PCNX2: variants seen among roughly 807,000 people sequenced by gnomAD.
PCNX2 encodes pecanex-like protein 2.
A neutral mutation model predicts 223.8 loss-of-function variants in PCNX2; 168 were observed. The ratio of observed to expected loss-of-function variants is 0.75; its 90% CI spans 0.66 to 0.85. PCNX2 has a LOEUF of 0.85. Ranked by LOEUF, PCNX2 falls within the 40% of genes least tolerant of loss-of-function variation. The pLI, the probability that PCNX2 is intolerant of heterozygous loss-of-function variation, is 0.00. For synonymous variants in PCNX2, 1,006 were observed against 1,052.6 expected (o/e 0.96, Z 0.86); for missense variants, 2,507 against 2,675.5 (o/e 0.94, Z 1.39).
Position 233,261,520 on chromosome 1 carries a change from C to T in PCNX2, c.481-199G>A, listed in dbSNP as rs186225484. On this transcript the variant is annotated intron_variant, in intron 3 of 33. Coordinates refer to ENST00000258229, the MANE Select transcript of PCNX2 (RefSeq NM_014801.4). Reference sequence around the variant, plus strand: ...ACATATGTAAATGTGGACATTCAACCGAGACAACTGTACTGTGACAAAGGG... The same window carrying T: ...ACATATGTAAATGTGGACATTCAACTGAGACAACTGTACTGTGACAAAGGG... Among the ~76,000 whole-genome samples, 11 of 152,098 alleles carry T rather than the reference C, an allele frequency of 7.2e-5. No homozygotes were observed. In the East Asian group the frequency reaches 2.1e-3, roughly 29 times the overall value.
rs150120915 is a variant in PCNX2, at chr1:233,124,700, C to T, written c.3837+10313G>A. ...AATTCTTGTACTAAAAGTGTCAACGCTTGCATTTTAAATGTAGAGATGGCA... is the reference window on the plus strand; with the variant it reads ...AATTCTTGTACTAAAAGTGTCAACGTTTGCATTTTAAATGTAGAGATGGCA... On this transcript the variant is annotated intron_variant, in intron 21 of 33. Transcript: ENST00000258229. 1.9e-3 allele frequency among the ~76,000 whole-genome samples: 296 copies of T among 152,338 alleles called. 1 individual carries two copies. Among genetic ancestry groups the T allele is most frequent in the African/African-American group, 6.8e-3 (283 of 41,586 alleles).
At chr1:233,243,953 T>C (rs1658948089) in intron 8 of PCNX2, among the ~76,000 whole-genome samples, 1 of 152,160 alleles carries the variant, frequency 6.6e-6, no homozygotes, top group African/African-American at 2.4e-5. Context: ...TGCCTCAGCC[T>C]CCCAAGCAGC....
intron 23 of PCNX2, among the ~76,000 whole-genome samples, chr1:233,088,006 A>G (rs1354007605): frequency 6.6e-6 from 1 of 152,178 alleles, no homozygotes; most frequent in Non-Finnish European, 1.5e-5. Context: ...GACTGAATAA[A>G]CATAAATCTT....
intron 21 of PCNX2, among the ~76,000 whole-genome samples, chr1:233,100,060 G>A (rs1674395635): frequency 6.6e-6 from 1 of 152,112 alleles, no homozygotes; most frequent in East Asian, 1.9e-4. Context: ...TGGAATATAA[G>A]AGAAAACAAA....
intron 9 of PCNX2, among the ~76,000 whole-genome samples, chr1:233,229,915 G>C (rs1404509517): frequency 6.6e-6 from 1 of 152,060 alleles, no homozygotes; most frequent in African/African-American, 2.4e-5. Flanking sequence ...AAGAAGCCCA[G>C]AGTTACATGT....
At chr1:233,265,307 G>C (rs150443302) in intron 1 of PCNX2, among the ~76,000 whole-genome samples, 4 of 151,712 alleles carry the variant, frequency 2.6e-5, no homozygotes, top group Non-Finnish European at 4.4e-5. Context: ...GGGTTTCATA[G>C]TACTCTAGTC....
chr1:232,989,490 T>A (rs1368640223), intron 32 of PCNX2, among the ~76,000 whole-genome samples: 1 of 151,054 alleles, frequency 6.6e-6, no homozygotes, highest in East Asian at 1.9e-4. Context: ...GCTACTTGGC[T>A]AAGGGTCTCT....
At chr1:233,262,277 C>T in intron 2 of PCNX2, 112 bp from the exon 3 acceptor site, 2 of 1,318,916 alleles carry the variant, frequency 1.5e-6, no homozygotes, top group South Asian at 1.4e-5. Context: ...TTGTTATATT[C>T]CTTACATATA....
At chr1:233,167,843 T>G (rs1678892306) in intron 17 of PCNX2, 1 of 954,984 alleles carries the variant, frequency 1.0e-6, no homozygotes, top group Admixed American at 6.2e-5. Flanking sequence ...AATAACTTTT[T>G]GCTCATTTAA....
the PCNX2 span, among the ~76,000 whole-genome samples, chr1:233,300,970 A>G: frequency 6.6e-6 from 1 of 152,148 alleles, no homozygotes; most frequent in African/African-American, 2.4e-5. Context: ...TTTATTGTGG[A>G]TGAAAGGCTC....
At chr1:233,177,769 C>A in intron 17 of PCNX2, 33 bp downstream of exon 17, 1 of 1,564,692 alleles carries the variant, frequency 6.4e-7, no homozygotes, top group Non-Finnish European at 8.8e-7. Flanking sequence ...ATGAGGCCCT[C>A]CTATGCTACA....
intron 24 of PCNX2, 50 bp downstream of exon 24, chr1:233,057,182 C>T (rs1672219572): frequency 1.4e-6 from 2 of 1,410,284 alleles, no homozygotes; most frequent in African/African-American, 2.8e-5. Context: ...TTTTGAGAAT[C>T]CATCCATACA....
At chr1:233,248,482 G>A (rs780701665) in intron 8 of PCNX2, among the ~76,000 whole-genome samples, 10 of 151,998 alleles carry the variant, frequency 6.6e-5, no homozygotes, top group East Asian at 1.9e-4. Context: ...CTAGGGTAAC[G>A]ACAGCCGTCT....
intron 1 of PCNX2, among the ~76,000 whole-genome samples, chr1:233,287,093 C>T (rs1000361404): frequency 3.5e-4 from 53 of 152,290 alleles, no homozygotes; most frequent in African/African-American, 1.3e-3. Flanking sequence ...TTGAAAGGAA[C>T]AGTGGAAGAC....
chr1:233,172,952 G>A (rs970211515), intron 17 of PCNX2, among the ~76,000 whole-genome samples: 6 of 152,030 alleles, frequency 3.9e-5, no homozygotes, highest in Non-Finnish European at 7.4e-5. Context: ...GGTGTCTGGC[G>A]AGGGACTAGC....
chr1:233,122,680 T>C (rs1294246015), intron 21 of PCNX2, among the ~76,000 whole-genome samples: 2 of 152,066 alleles, frequency 1.3e-5, no homozygotes, highest in Non-Finnish European at 2.9e-5. Context: ...GCCGCCACCA[T>C]GCCTGGCTAA....
At chr1:233,248,039 G>A (rs1659227997) in intron 8 of PCNX2, among the ~76,000 whole-genome samples, 1 of 152,130 alleles carries the variant, frequency 6.6e-6, no homozygotes, top group African/African-American at 2.4e-5. Context: ...CCAAGACCTT[G>A]CCCATTGGAG....
At chr1:233,308,936 A>C in the PCNX2 span, among the ~76,000 whole-genome samples, 1 of 152,290 alleles carries the variant, frequency 6.6e-6, no homozygotes, top group Admixed American at 6.5e-5. Flanking sequence ...TACTTATTAA[A>C]GGACAAAAAG....
intron 1 of PCNX2, among the ~76,000 whole-genome samples, chr1:233,279,127 T>C (rs1661054952): frequency 1.3e-5 from 2 of 152,186 alleles, no homozygotes; most frequent in East Asian, 3.9e-4. Context: ...TCTATTCTCA[T>C]TGGGTTATCA....
Sources: gnomAD v4.1 joint callset for allele counts (sites outside exome capture counted in the v4.1 genomes callset) on GRCh38, gnomAD v4.1.1 for gene constraint, MANE v1.5 for transcripts, NCBI Gene and HGNC (gene_info 2026-07-23, HGNC 2026-07-21) for gene names.